UNC79: variants seen among roughly 807,000 people sequenced by gnomAD.
UNC79 encodes the protein protein unc-79 homolog.
UNC79 carries 37 observed loss-of-function variants against 283.1 expected under a neutral mutation model. The ratio of observed to expected loss-of-function variants is 0.13; its 90% CI spans 0.10 to 0.17. The LOEUF (loss-of-function observed/expected upper bound fraction) is 0.17, where lower values mean the gene tolerates loss of function less well. UNC79 is among the 10% of genes least tolerant of loss of function. The pLI is 1.00. For synonymous variants in UNC79, 1,107 were observed against 1,200.2 expected (o/e 0.92, Z 1.61); for missense variants, 2,272 against 3,211.1 (o/e 0.71, Z 7.07).
At chr14:93,636,702 C>A (rs2068536609) in intron 31 of UNC79, among the ~76,000 whole-genome samples, 1 of 152,274 alleles carries the variant, frequency 6.6e-6, no homozygotes, top group African/African-American at 2.4e-5. Flanking sequence ...TTCATGTGAA[C>A]AAACATTTTT....
At chr14:93,661,288 T>C (rs1246412652) in intron 39 of UNC79, among the ~76,000 whole-genome samples, 1 of 152,220 alleles carries the variant, frequency 6.6e-6, no homozygotes, top group Non-Finnish European at 1.5e-5. Flanking sequence ...ATTAAGTTAA[T>C]ATAAAACAAA....
intron 14 of UNC79, among the ~76,000 whole-genome samples, chr14:93,557,736 G>T (rs2062254712): frequency 6.6e-6 from 1 of 152,134 alleles, no homozygotes; most frequent in African/African-American, 2.4e-5. Context: ...AAACCAGAAG[G>T]GACTCATTCC....
chr14:93,530,907 TCAGAAAAAAAA>T (rs1377191170), intron 10 of UNC79, among the ~76,000 whole-genome samples: 4 of 152,034 alleles, frequency 2.6e-5, no homozygotes, highest in African/African-American at 9.7e-5. Flanking sequence ...AGACTCCGTC[TCAGAAAAAAAA>T]CAAAACAAAC....
At chr14:93,349,307 A>G (rs1420897990) in intron 1 of UNC79, among the ~76,000 whole-genome samples, 1 of 152,250 alleles carries the variant, frequency 6.6e-6, no homozygotes, top group African/African-American at 2.4e-5. Flanking sequence ...CCTTGGAGAC[A>G]TGAAGAACAG....
rs59458879 is a variant in UNC79 at position 93,355,345 on chromosome 14, C to A, written c.-351+21822C>A. On this transcript the variant is annotated intron_variant, in intron 1 of 49. Coordinates refer to the UNC79 transcript ENST00000256339. ...TCCCAAGTAGCTGGGATTATAGGTG[C>A]CTGCCACCATACCCAGCTAATTTTT... Among the ~76,000 whole-genome samples, 530 of 152,298 alleles carry A rather than the reference C, an allele frequency of 3.5e-3. 12 individuals are homozygous for A. The South Asian group carries it at 0.052, about 15-fold the overall frequency.
chr14:93,532,689 C>A, intron 11 of UNC79, 111 bp downstream of exon 11: 1 of 1,307,746 alleles, frequency 7.6e-7, no homozygotes, highest in Non-Finnish European at 1.1e-6. Context: ...ATATGCATGC[C>A]ATTGTATTTG....
chr14:93,517,774 T>G (rs867200698), intron 7 of UNC79, among the ~76,000 whole-genome samples: 1 of 152,086 alleles, frequency 6.6e-6, no homozygotes, highest in East Asian at 1.9e-4. Context: ...ATTATGTTTT[T>G]AATTTTGGTT....
At chr14:93,381,825 A>G (rs2054672000) in intron 1 of UNC79, among the ~76,000 whole-genome samples, 1 of 152,166 alleles carries the variant, frequency 6.6e-6, no homozygotes, top group Non-Finnish European at 1.5e-5. Flanking sequence ...ATGGTCAGAG[A>G]GCTTTAGAGG....
intron 2 of UNC79, among the ~76,000 whole-genome samples, chr14:93,472,214 G>A (rs1011737967): frequency 1.3e-5 from 2 of 152,118 alleles, no homozygotes; most frequent in Non-Finnish European, 2.9e-5. Flanking sequence ...GGAATTTTCA[G>A]TGGGATTAGA....
At chr14:93,418,874 A>G (rs1307255136) in intron 1 of UNC79, among the ~76,000 whole-genome samples, 1 of 151,878 alleles carries the variant, frequency 6.6e-6, no homozygotes, top group Non-Finnish European at 1.5e-5. Context: ...AGCCCGTTGG[A>G]AAAGCACAGT....
intron 14 of UNC79, among the ~76,000 whole-genome samples, chr14:93,557,762 A>T (rs900956420): frequency 1.3e-5 from 2 of 152,242 alleles, no homozygotes; most frequent in African/African-American, 4.8e-5. Context: ...ATGGGAATTG[A>T]ACCCATGCCA....
At chr14:93,413,936 CA>C (rs36196089) in intron 1 of UNC79, among the ~76,000 whole-genome samples, 76,958 of 142,112 alleles carry the variant, frequency 0.54, 20,662 homozygotes, top group Admixed American at 0.64. Flanking sequence ...AGCCCTTTGT[CA>C]GATGAGTAGG....
At position 93,653,922 on chromosome 14, in the gene UNC79, C is replaced by T. The variant is rs763377512; in HGVS notation, c.6197-18C>T. 14 of 1,613,996 alleles carry T rather than the reference C, an allele frequency of 8.7e-6. No individual in the cohort carries two copies. The highest frequency in any genetic ancestry group is 1.6e-4 in the Middle Eastern group (1 of 6,084). ...ATCCCAGACACCCAAACACTAAATC[C>T]GATCGTTGACTTTCCAGATGGGACT... On this transcript the variant is annotated intron_variant, in intron 36 of 48. Coordinates refer to ENST00000555664, the Ensembl canonical transcript of UNC79.
chr14:93,687,009 C>T (rs1362892190), intron 43 of UNC79, among the ~76,000 whole-genome samples: 1 of 152,182 alleles, frequency 6.6e-6, no homozygotes. Context: ...GTGGTAAAGT[C>T]AAGGTTGAAC....
chr14:93,539,722 A>G (rs776899601), intron 12 of UNC79, among the ~76,000 whole-genome samples: 1 of 152,142 alleles, frequency 6.6e-6, no homozygotes, highest in Non-Finnish European at 1.5e-5. Flanking sequence ...CACCATCATC[A>G]TCAGTGTTGC....
chr14:93,516,451 G>GC (rs1491264120), intron 7 of UNC79, among the ~76,000 whole-genome samples: 18 of 9,664 alleles, frequency 1.9e-3, no homozygotes, highest in Non-Finnish European at 5.1e-3. Context: ...TATTTTTTTT[G>GC]GGGGGGGGGG....
intron 2 of UNC79, among the ~76,000 whole-genome samples, chr14:93,469,604 T>C (rs2140285682): frequency 6.6e-6 from 1 of 152,242 alleles, no homozygotes; most frequent in South Asian, 2.1e-4. Context: ...TTTCAGAATT[T>C]AAGTGAATTT....
chr14:93,576,624 C>T (rs1241884967), intron 17 of UNC79, among the ~76,000 whole-genome samples: 1 of 152,042 alleles, frequency 6.6e-6, no homozygotes, highest in Admixed American at 6.6e-5. Context: ...ACCTAGAGTC[C>T]AGGTACAGTC....
intron 7 of UNC79, among the ~76,000 whole-genome samples, chr14:93,509,147 A>G (rs1595694287): frequency 6.6e-6 from 1 of 152,194 alleles, no homozygotes; most frequent in East Asian, 1.9e-4. Context: ...TAAACAACCA[A>G]TTCTCTGAGC....
Sources: allele counts gnomAD v4.1 joint callset (sites outside exome capture counted in the v4.1 genomes callset), GRCh38; gene constraint gnomAD v4.1.1; transcripts MANE v1.5; gene names NCBI Gene and HGNC (gene_info 2026-07-23, HGNC 2026-07-21).